The following EMP1 variants were observed in gnomAD, a reference collection of about 807,000 sequenced individuals.
EMP1 encodes the protein epithelial membrane protein 1.
Under a neutral mutation model 15.7 loss-of-function variants are expected in EMP1, and 5 were observed. That is an observed-to-expected ratio of 0.32 (90% confidence interval 0.17 to 0.67). The LOEUF (loss-of-function observed/expected upper bound fraction) is 0.67. Ranked by LOEUF, EMP1 falls within the 30% of genes least tolerant of loss-of-function variation. EMP1 has a pLI of 0.74. For synonymous variants in EMP1, 78 were observed against 76.7 expected (o/e 1.02, Z -0.09); for missense variants, 166 against 194.2 (o/e 0.85, Z 0.86).
chr12:13,210,866 T>C (rs1332087460), intron 1 of EMP1, among the ~76,000 whole-genome samples: 1 of 152,250 alleles, frequency 6.6e-6, no homozygotes, highest in Non-Finnish European at 1.5e-5. Flanking sequence ...GTTATAATTA[T>C]TGAAAACCAA....
In EMP1 at chr12:13,214,602, C is replaced by T; in HGVS notation, c.385C>T (p.His129Tyr). The change falls in exon 5 of 5, where the codon CAC becomes TAC. Residue 129 changes from histidine to tyrosine, a missense_variant. His to Tyr is a moderately conservative substitution (Grantham distance 83). Coordinates refer to ENST00000256951, the MANE Select transcript of EMP1 (RefSeq NM_001423.3). ...HYANRDGTQY[H>Y]HGYSYILGWI... ...TGCGAATCGTGATGGAACGCAGTATCACCACGGCTATTCCTACATCCTGGG... is the reference window on the plus strand; with the variant it reads ...TGCGAATCGTGATGGAACGCAGTATTACCACGGCTATTCCTACATCCTGGG... The T allele has an allele frequency of 1.2e-6, 2 of 1,614,028 alleles. No homozygotes were observed. Among genetic ancestry groups the T allele is most frequent in the Non-Finnish European group, 1.7e-6 (2 of 1,180,010 alleles).
intron 1 of EMP1, among the ~76,000 whole-genome samples, chr12:13,197,514 G>A (rs1864025495): frequency 1.3e-5 from 2 of 152,176 alleles, no homozygotes. Flanking sequence ...GGTGGCTCAT[G>A]CCTGTAATCC....
intron 1 of EMP1, among the ~76,000 whole-genome samples, chr12:13,204,667 G>A (rs770733005): frequency 1.3e-5 from 2 of 152,220 alleles, no homozygotes; most frequent in East Asian, 3.9e-4. Context: ...ACTCATGGGG[G>A]TCAGTTGACC....
chr12:13,208,062 C>G (rs1864130070), intron 1 of EMP1, among the ~76,000 whole-genome samples: 1 of 152,182 alleles, frequency 6.6e-6, no homozygotes, highest in Non-Finnish European at 1.5e-5. Context: ...GAGTGCCACC[C>G]ATATCATTTT....
intron 1 of EMP1, among the ~76,000 whole-genome samples, chr12:13,206,599 G>C (rs1565578230): frequency 6.6e-6 from 1 of 152,140 alleles, no homozygotes; most frequent in African/African-American, 2.4e-5. Context: ...TTGTGTTTTA[G>C]GTCACTCTTA....
chr12:13,208,232 T>C (rs1302738058), intron 1 of EMP1, among the ~76,000 whole-genome samples: 1 of 152,186 alleles, frequency 6.6e-6, no homozygotes, highest in Admixed American at 6.5e-5. Context: ...AGAGAATGAA[T>C]CTCCCCACAA....
At position 13,216,760 on chromosome 12, in the gene EMP1, T is replaced by G; in HGVS notation, c.*2069T>G. The G allele has an allele frequency of 3.6e-6, 1 of 274,978 alleles. No individual in the cohort carries two copies. The highest frequency in any genetic ancestry group is 6.5e-5 in the East Asian group (1 of 15,408). The allele number at this position is 274,978 out of a possible 1,614,324, so 17.0% of individuals were successfully genotyped here. A position where few individuals can be genotyped will look rare whatever the true frequency, so the allele number is the denominator to read the frequency against. The stretch of plus-strand genomic sequence containing the variant: ...ATAACTCTAGGGATATAAAAACAGA[T>G]TCTGATTCCCTTCATTGTGTGAATG... On this transcript the variant is annotated 3_prime_UTR_variant, in exon 5 of 5. Coordinates refer to ENST00000256951, the MANE Select transcript of EMP1 (RefSeq NM_001423.3).
At chr12:13,212,440 A>T (rs1422141241) in intron 2 of EMP1, among the ~76,000 whole-genome samples, 1 of 152,260 alleles carries the variant, frequency 6.6e-6, no homozygotes, top group African/African-American at 2.4e-5. Context: ...TAAAGTTCAG[A>T]TAGAAGAGCT....
chr12:13,197,371 T>C (rs946012919), intron 1 of EMP1, among the ~76,000 whole-genome samples: 1 of 152,228 alleles, frequency 6.6e-6, no homozygotes, highest in Non-Finnish European at 1.5e-5. Flanking sequence ...TGGTTTTCAG[T>C]TTATTTTTGA....
intron 4 of EMP1, chr12:13,214,232 C>A (rs1250142346): frequency 1.7e-6 from 1 of 594,606 alleles, no homozygotes. Context: ...CCCTGAGTAG[C>A]TTTCCTAGAC....
At chr12:13,204,762 A>G (rs548481519) in intron 1 of EMP1, among the ~76,000 whole-genome samples, 2 of 152,288 alleles carry the variant, frequency 1.3e-5, no homozygotes, top group Non-Finnish European at 2.9e-5. Flanking sequence ...GCTTTCTCCA[A>G]AGTTTACAGT....
Sources: allele counts gnomAD v4.1 joint callset (sites outside exome capture counted in the v4.1 genomes callset), GRCh38; gene constraint gnomAD v4.1.1; transcripts MANE v1.5; gene names NCBI Gene and HGNC (gene_info 2026-07-23, HGNC 2026-07-21).